SLC35F4: variants seen among roughly 807,000 people sequenced by gnomAD.
SLC35F4 encodes the protein chromosome 14 open reading frame 36.
In SLC35F4, 24 loss-of-function variants were observed where a neutral mutation model predicts 44.2. The observed-to-expected ratio is 0.54, with a 90% CI of 0.39 to 0.76. The LOEUF (loss-of-function observed/expected upper bound fraction) is 0.76. Among genes scored for constraint, SLC35F4 ranks in the 30% least tolerant of loss-of-function variants. The pLI is 0.00. For missense variants in SLC35F4, 562 were observed against 586.1 expected (o/e 0.96, Z 0.42); for synonymous variants, 238 against 223.6 (o/e 1.06, Z -0.57).
At chr14:57,864,014 G>T (rs1214948491) in intron 1 of SLC35F4, among the ~76,000 whole-genome samples, 1 of 152,080 alleles carries the variant, frequency 6.6e-6, no homozygotes, top group Non-Finnish European at 1.5e-5. Flanking sequence ...AATATAATAT[G>T]AACATGTTCT....
At chr14:57,890,079 C>A (rs897056079) in intron 1 of SLC35F4, among the ~76,000 whole-genome samples, 3 of 152,210 alleles carry the variant, frequency 2.0e-5, no homozygotes, top group African/African-American at 7.2e-5. Flanking sequence ...CTTCAATGTG[C>A]AACTCGCTTT....
At chr14:57,687,266 C>A (rs1435656671) in intron 1 of SLC35F4, among the ~76,000 whole-genome samples, 1 of 152,066 alleles carries the variant, frequency 6.6e-6, no homozygotes, top group Non-Finnish European at 1.5e-5. Flanking sequence ...CATTATAAAC[C>A]AAAGAGGTAC....
intron 1 of SLC35F4, among the ~76,000 whole-genome samples, chr14:57,751,406 C>A (rs2076881382): frequency 6.6e-6 from 1 of 152,152 alleles, no homozygotes; most frequent in Non-Finnish European, 1.5e-5. Context: ...AGAATGATGT[C>A]CTTCAGGCTA....
At chr14:57,705,342 C>A (rs2075645753) in intron 1 of SLC35F4, among the ~76,000 whole-genome samples, 1 of 152,112 alleles carries the variant, frequency 6.6e-6, no homozygotes, top group African/African-American at 2.4e-5. Context: ...AATAGCAATT[C>A]TAGTGCATAC....
intron 1 of SLC35F4, among the ~76,000 whole-genome samples, chr14:57,832,378 T>A (rs940712610): frequency 6.6e-6 from 1 of 152,138 alleles, no homozygotes; most frequent in Non-Finnish European, 1.5e-5. Flanking sequence ...TTGTCCAAAG[T>A]CACAGATTAA....
intron 1 of SLC35F4, among the ~76,000 whole-genome samples, chr14:57,693,052 A>T (rs561929287): frequency 3.9e-5 from 6 of 152,334 alleles, no homozygotes; most frequent in African/African-American, 1.4e-4. Flanking sequence ...TAACTATTTT[A>T]TTAATTAAAA....
At chr14:57,673,278 C>G (rs11851949) in intron 1 of SLC35F4, among the ~76,000 whole-genome samples, 94,256 of 151,824 alleles carry the variant, frequency 0.62, 29,553 homozygotes, top group South Asian at 0.71. Context: ...TCAAGCAAGA[C>G]TATTGAAGAG....
chr14:57,720,979 CATAT>C (rs3062932), intron 1 of SLC35F4, among the ~76,000 whole-genome samples: 1,985 of 49,756 alleles, frequency 0.04, 61 homozygotes, highest in African/African-American at 0.11. Context: ...ATAAACTCCT[CATAT>C]ATATATATAT....
intron 1 of SLC35F4, among the ~76,000 whole-genome samples, chr14:57,894,797 A>G (rs954519484): frequency 1.2e-4 from 19 of 152,182 alleles, no homozygotes; most frequent in Non-Finnish European, 2.6e-4. Flanking sequence ...AACTTAATGC[A>G]ATCACAGAGT....
At chr14:57,864,227 T>C (rs577257885) in intron 1 of SLC35F4, among the ~76,000 whole-genome samples, 4 of 152,316 alleles carry the variant, frequency 2.6e-5, no homozygotes, top group Admixed American at 2.6e-4. Context: ...ACAAGATATA[T>C]TAGTTCCTTT....
At chr14:57,936,921 A>G (rs1365969543) in intron 1 of SLC35F4, among the ~76,000 whole-genome samples, 8 of 152,234 alleles carry the variant, frequency 5.3e-5, no homozygotes, top group Non-Finnish European at 1.5e-5. Context: ...AAGCCAGCTT[A>G]TCCAAAAGGA....
At chr14:57,976,897 C>T (rs1043002177) in exon 2 of SLC35F4, 3 of 152,184 alleles carry the variant, frequency 2.0e-5, no homozygotes, top group Admixed American at 1.3e-4. Flanking sequence ...CTTTGATTGT[C>T]TTGACATTCT....
At chr14:57,831,533 T>A (rs1884374482) in intron 1 of SLC35F4, among the ~76,000 whole-genome samples, 1 of 152,100 alleles carries the variant, frequency 6.6e-6, no homozygotes, top group South Asian at 2.1e-4. Context: ...AGACAGCTCT[T>A]AAGAGATAAG....
rs191599220 is a variant in SLC35F4, at chr14:57,670,998, G to A, written c.104-76874C>T. Among the ~76,000 whole-genome samples, 53 of 143,586 alleles carry A rather than the reference G, an allele frequency of 3.7e-4. 1 individual carries two copies. The East Asian group carries it at 8.7e-3, about 24-fold the overall frequency. 94.2% of individuals were successfully genotyped at this position (143,586 alleles called of 152,430 possible). On this transcript the variant is annotated intron_variant, in intron 1 of 7. Transcript: ENST00000556826. ...CAGCTCACTGCAACCTCCGCCTCCC[G>A]GGTTCAAGCGGTTATCCTGCCTCAG...
At chr14:57,627,046 A>G (rs2072515146) in intron 1 of SLC35F4, among the ~76,000 whole-genome samples, 1 of 152,170 alleles carries the variant, frequency 6.6e-6, no homozygotes, top group East Asian at 1.9e-4. Flanking sequence ...AGTAACTCCA[A>G]TAAATGAAAT....
chr14:57,727,169 TC>T (rs1269246299), intron 1 of SLC35F4, among the ~76,000 whole-genome samples: 79 of 151,558 alleles, frequency 5.2e-4, no homozygotes, highest in African/African-American at 1.8e-3. Context: ...ATTAGTTATG[TC>T]CCTCTAGAGA....
chr14:57,606,722 C>A (rs138204533), intron 1 of SLC35F4, among the ~76,000 whole-genome samples: 2 of 152,258 alleles, frequency 1.3e-5, no homozygotes, highest in African/African-American at 4.8e-5. Flanking sequence ...CTGTAGAAAC[C>A]CTCTGCTTAC....
intron 1 of SLC35F4, among the ~76,000 whole-genome samples, chr14:57,705,295 A>C (rs1441691551): frequency 1.3e-5 from 2 of 152,180 alleles, no homozygotes; most frequent in African/African-American, 4.8e-5. Flanking sequence ...GGTAGAATAT[A>C]TGGTAAGTCC....
intron 1 of SLC35F4, among the ~76,000 whole-genome samples, chr14:57,927,693 G>C (rs1035112704): frequency 1.3e-5 from 2 of 151,840 alleles, no homozygotes; most frequent in African/African-American, 2.4e-5. Context: ...GTTTCACCAT[G>C]ATGGCCAGGC....
Sources: gnomAD v4.1 joint callset for allele counts (sites outside exome capture counted in the v4.1 genomes callset) on GRCh38, gnomAD v4.1.1 for gene constraint, MANE v1.5 for transcripts, NCBI Gene and HGNC (gene_info 2026-07-23, HGNC 2026-07-21) for gene names.